Variants in ASIC2 observed in about 807,000 individuals in gnomAD.
ASIC2 encodes the protein acid-sensing ion channel 2.
Under a neutral mutation model 57.3 loss-of-function variants are expected in ASIC2, and 25 were observed. The observed-to-expected ratio is 0.44, with a 90% CI of 0.32 to 0.61. ASIC2 has a LOEUF of 0.61. Among genes scored for constraint, ASIC2 ranks in the 20% least tolerant of loss-of-function variants. The pLI, the probability that ASIC2 is intolerant of heterozygous loss-of-function variation, is 0.06. For missense variants in ASIC2, 641 were observed against 738.1 expected (o/e 0.87, Z 1.52); for synonymous variants, 319 against 307.5 (o/e 1.04, Z -0.39).
At chr17:33,500,469 A>G (rs192661670) in intron 1 of ASIC2, among the ~76,000 whole-genome samples, 21 of 152,342 alleles carry the variant, frequency 1.4e-4, no homozygotes, top group African/African-American at 4.8e-4. Flanking sequence ...CAGGCCTACA[A>G]GCTGCCATTG....
chr17:33,427,879 G>C (rs144251642), intron 1 of ASIC2, among the ~76,000 whole-genome samples: 9 of 152,296 alleles, frequency 5.9e-5, no homozygotes, highest in African/African-American at 2.2e-4. Context: ...GACTTTCAAG[G>C]CTGGGCCATA....
intron 1 of ASIC2, among the ~76,000 whole-genome samples, chr17:33,964,324 G>A (rs760808487): frequency 1.3e-5 from 2 of 152,212 alleles, no homozygotes; most frequent in Non-Finnish European, 2.9e-5. Flanking sequence ...GGAACAATCT[G>A]AGCTCAGACC....
At chr17:33,391,855 A>C (rs1909902738) in intron 1 of ASIC2, among the ~76,000 whole-genome samples, 1 of 152,246 alleles carries the variant, frequency 6.6e-6, no homozygotes, top group African/African-American at 2.4e-5. Context: ...AGAACACTCT[A>C]CAGTAAATAA....
chr17:33,737,315 G>A lies in ASIC2; in HGVS notation c.555+418663C>T, dbSNP rs555355272. 2.6e-5 allele frequency among the ~76,000 whole-genome samples: 4 copies of A among 152,364 alleles called. No homozygotes were observed. The South Asian group carries it at 6.2e-4, about 24-fold the overall frequency. Reference sequence around the variant, plus strand: ...GCCTTAGCTATTACGAACAAGAGGTGTCCCTGGTTTGTTCTGTTGAATCCA... The same window carrying A: ...GCCTTAGCTATTACGAACAAGAGGTATCCCTGGTTTGTTCTGTTGAATCCA... On this transcript the variant is annotated intron_variant, in intron 1 of 9. Transcript: ENST00000359872.
At chr17:33,351,643 G>C (rs1236917998) in intron 1 of ASIC2, among the ~76,000 whole-genome samples, 1 of 152,138 alleles carries the variant, frequency 6.6e-6, no homozygotes, top group Non-Finnish European at 1.5e-5. Context: ...AGCTGTACTC[G>C]TGATTATGAA....
intron 3 of ASIC2, among the ~76,000 whole-genome samples, chr17:33,046,972 G>A (rs1430627115): frequency 6.6e-6 from 1 of 152,236 alleles, no homozygotes; most frequent in Non-Finnish European, 1.5e-5. Context: ...CTCAAGAGCT[G>A]GATGAGTTTC....
At position 33,247,530 on chromosome 17, in the gene ASIC2, G is replaced by A. The variant is rs142097548; in HGVS notation, c.708+43878C>T. Among the ~76,000 whole-genome samples the A allele has an allele frequency of 1.8e-3, 271 of 152,322 alleles. 2 individuals are homozygous for A. The highest frequency in any genetic ancestry group is 6.2e-3 in the African/African-American group (257 of 41,568). On this transcript the variant is annotated intron_variant, in intron 1 of 9. Transcript: ENST00000225823. ...ATCGTCTCTAGTTTTGAACCTACCA[G>A]TATTTTTGGAGGAAGCGTTTCCAGG...
intron 1 of ASIC2, among the ~76,000 whole-genome samples, chr17:33,357,281 C>T (rs546526871): frequency 5.9e-5 from 9 of 152,060 alleles, no homozygotes; most frequent in South Asian, 2.1e-4. Context: ...CAAAGTTTAG[C>T]GAGGGAGAGA....
chr17:34,007,686 C>G (rs1211198149), intron 1 of ASIC2, among the ~76,000 whole-genome samples: 2 of 152,242 alleles, frequency 1.3e-5, no homozygotes, highest in Non-Finnish European at 2.9e-5. Context: ...TGTGCCACCT[C>G]TCCTCTTCAA....
intron 1 of ASIC2, among the ~76,000 whole-genome samples, chr17:33,175,127 T>C (rs1359988710): frequency 1.3e-5 from 2 of 152,246 alleles, no homozygotes; most frequent in Non-Finnish European, 2.9e-5. Flanking sequence ...CTAAGCACTC[T>C]GGTGATTATA....
At chr17:33,167,235 T>G (rs1376261403) in intron 1 of ASIC2, among the ~76,000 whole-genome samples, 1 of 151,980 alleles carries the variant, frequency 6.6e-6, no homozygotes, top group Non-Finnish European at 1.5e-5. Flanking sequence ...TGCTTCCTCC[T>G]ACTTGCCACT....
chr17:33,736,771 A>G (rs755120239), intron 1 of ASIC2, among the ~76,000 whole-genome samples: 7 of 151,632 alleles, frequency 4.6e-5, no homozygotes, highest in Non-Finnish European at 8.8e-5. Flanking sequence ...CATAGACCAT[A>G]TATGGAAACA....
At chr17:33,274,770 C>T (rs940122773) in intron 1 of ASIC2, among the ~76,000 whole-genome samples, 1 of 152,146 alleles carries the variant, frequency 6.6e-6, no homozygotes. Flanking sequence ...TTATGATCTC[C>T]CTTATTTTCT....
At chr17:33,140,061 G>T (rs1004739958) in intron 1 of ASIC2, among the ~76,000 whole-genome samples, 3 of 152,228 alleles carry the variant, frequency 2.0e-5, no homozygotes, top group Admixed American at 1.3e-4. Flanking sequence ...ACTACCTGGG[G>T]ATAGTAAGAA....
chr17:34,156,717 A>G lies in ASIC2; in HGVS notation c.-185T>C. The G allele has an allele frequency of 1.6e-6, 1 of 618,362 alleles. No homozygotes were observed. Among genetic ancestry groups the G allele is most frequent in the Admixed American group, 3.2e-5 (1 of 31,540 alleles). 38.3% of individuals were successfully genotyped at this position (618,362 alleles called of 1,614,324 possible). A position where few individuals can be genotyped will look rare whatever the true frequency, so the allele number is the denominator to read the frequency against. ...CGCTGACAGGGGTGAGTGTTTATAT[A>G]AAACCCATTCAAACTCTAGCTCTTG... On this transcript the variant is annotated 5_prime_UTR_variant, in exon 1 of 10. Coordinates refer to the ASIC2 transcript ENST00000359872. This position sits in a 1 kb window ranked among gnomAD's most constrained non-coding sequence, Gnocchi z 4.4.
At chr17:33,944,760 C>G (rs563644433) in intron 1 of ASIC2, among the ~76,000 whole-genome samples, 11 of 152,368 alleles carry the variant, frequency 7.2e-5, no homozygotes, top group Admixed American at 2.0e-4. Flanking sequence ...CTGCAAAGTG[C>G]TACCAGACTC....
chr17:33,816,695 A>G (rs1263570541), intron 1 of ASIC2: 1 of 152,064 alleles, frequency 6.6e-6, no homozygotes, highest in Non-Finnish European at 1.5e-5. Context: ...TCCCCTACTC[A>G]CCAGCCACAG....
intron 1 of ASIC2, among the ~76,000 whole-genome samples, chr17:33,898,967 T>C (rs1179564735): frequency 6.6e-6 from 1 of 152,136 alleles, no homozygotes; most frequent in African/African-American, 2.4e-5. Flanking sequence ...CTTCCTCCAA[T>C]GGCTGTTGCC....
chr17:33,366,103 C>G (rs921230003), intron 1 of ASIC2, among the ~76,000 whole-genome samples: 1 of 152,202 alleles, frequency 6.6e-6, no homozygotes, highest in Non-Finnish European at 1.5e-5. Context: ...GGCTGATGAC[C>G]CTCCCATGAT....
Sources: gnomAD v4.1 joint callset for allele counts (sites outside exome capture counted in the v4.1 genomes callset) on GRCh38, gnomAD v4.1.1 for gene constraint, Gnocchi (gnomAD v3.1) non-coding constraint, MANE v1.5 for transcripts, NCBI Gene and HGNC (gene_info 2026-07-23, HGNC 2026-07-21) for gene names.